Variants in SCIN observed in about 807,000 individuals in gnomAD.
SCIN encodes the protein scinderin.
SCIN carries 91 observed loss-of-function variants against 91.8 expected under a neutral mutation model. The observed-to-expected ratio is 0.99, with a 90% CI of 0.84 to 1.18. SCIN has a LOEUF of 1.18. Ranked by LOEUF, SCIN falls within the 50% of genes most tolerant of loss-of-function variation. The pLI is 0.00. For missense variants in SCIN, 1,087 were observed against 863.9 expected, an observed-to-expected ratio of 1.26 and a Z score of -3.24; for synonymous variants, 367 against 312.6, an observed-to-expected ratio of 1.17 and a Z score of -1.84.
At chr7:12,644,530 C>T (rs943876060) in intron 12 of SCIN, 54 bp from the exon 13 acceptor site, 7 of 1,591,924 alleles carry the variant, frequency 4.4e-6, no homozygotes, top group Non-Finnish European at 8.5e-7. Context: ...TATAAAGCGA[C>T]AGCAAGCATA....
intron 3 of SCIN, among the ~76,000 whole-genome samples, chr7:12,598,723 T>C (rs1782893114): frequency 6.6e-6 from 1 of 151,948 alleles, no homozygotes; most frequent in Admixed American, 6.6e-5. Flanking sequence ...TAAAACCCCA[T>C]GTCTACAAAA....
intron 9 of SCIN, among the ~76,000 whole-genome samples, chr7:12,629,639 G>T (rs1429990590): frequency 6.6e-6 from 1 of 152,138 alleles, no homozygotes; most frequent in African/African-American, 2.4e-5. Flanking sequence ...GATACAATTT[G>T]TGATTCCACT....
intron 4 of SCIN, among the ~76,000 whole-genome samples, chr7:12,615,980 T>G (rs1783290933): frequency 6.6e-6 from 1 of 152,146 alleles, no homozygotes; most frequent in Non-Finnish European, 1.5e-5. Flanking sequence ...CAAGTTCATA[T>G]AAATATGTGT....
rs558623121 is a variant in SCIN at position 12,652,143 on chromosome 7, A to G, written c.2020+242A>G. Among the ~76,000 whole-genome samples, 30 of 152,326 alleles carry G rather than the reference A, an allele frequency of 2.0e-4. No individual in the cohort carries two copies. The South Asian group carries it at 6.0e-3, about 30-fold the overall frequency. Reference sequence around the variant, plus strand: ...TAGAATTATATCAATTTAATCTGAAAACTTAAATTAATTTCAACCCTTGTT... The same window carrying G: ...TAGAATTATATCAATTTAATCTGAAGACTTAAATTAATTTCAACCCTTGTT... On this transcript the variant is annotated intron_variant, in intron 15 of 15. Coordinates refer to ENST00000297029, the MANE Select transcript of SCIN (RefSeq NM_001112706.3).
chr7:12,637,071 A>T (rs1783766432), intron 10 of SCIN, among the ~76,000 whole-genome samples: 1 of 152,132 alleles, frequency 6.6e-6, no homozygotes, highest in South Asian at 2.1e-4. Flanking sequence ...CTAAATTGTT[A>T]TTCCAGATTT....
intron 1 of SCIN, among the ~76,000 whole-genome samples, chr7:12,575,234 G>GTTTTC (rs746262539): frequency 1.6e-3 from 230 of 146,882 alleles, no homozygotes; most frequent in African/African-American, 5.5e-3. Flanking sequence ...TTCTAGGAGA[G>GTTTTC]TTTTCTTTTT....
At chr7:12,586,805 G>A (rs191943085) in intron 3 of SCIN, among the ~76,000 whole-genome samples, 2 of 152,296 alleles carry the variant, frequency 1.3e-5, no homozygotes, top group Admixed American at 6.5e-5. Context: ...AGGATATTAT[G>A]TTAAGCAAAG....
At chr7:12,606,938 C>G (rs950572088) in intron 4 of SCIN, among the ~76,000 whole-genome samples, 5 of 152,178 alleles carry the variant, frequency 3.3e-5, no homozygotes, top group Non-Finnish European at 5.9e-5. Flanking sequence ...GGCCTCTGTT[C>G]TAGAGATGGG....
Position 12,626,681 on chromosome 7 carries a change from A to G in SCIN, c.1079A>G (p.Tyr360Cys), listed in dbSNP as rs1248708851. Reference protein sequence around the residue: ...KDQSDGFGKVYVTEKVAQIKQ... With the variant: ...KDQSDGFGKVCVTEKVAQIKQ... ...CAGAGTGATGGCTTCGGGAAAGTTT[A>G]TGTCACAGAGAAAGTGGCTCAAATA... Residue 360 changes from tyrosine to cysteine, a missense_variant, in exon 8 of 16, where the codon TAT becomes TGT. Transcript: ENST00000297029. 2 of 1,578,204 alleles carry G rather than the reference A, an allele frequency of 1.3e-6. No individual in the cohort carries two copies. Among genetic ancestry groups the G allele is most frequent in the Non-Finnish European group, 1.7e-6 (2 of 1,161,254 alleles).
At chr7:12,587,929 A>T (rs1026992812) in intron 3 of SCIN, among the ~76,000 whole-genome samples, 2 of 152,190 alleles carry the variant, frequency 1.3e-5, no homozygotes, top group African/African-American at 4.8e-5. Context: ...ACTGCTTAAG[A>T]TGCAAAACCA....
intron 3 of SCIN, among the ~76,000 whole-genome samples, chr7:12,601,212 G>A (rs560078694): frequency 1.3e-5 from 2 of 152,204 alleles, no homozygotes; most frequent in East Asian, 1.9e-4. Flanking sequence ...GTTAAGCGGG[G>A]GTCAGAGAGA....
intron 4 of SCIN, among the ~76,000 whole-genome samples, chr7:12,617,431 C>T (rs970469069): frequency 1.3e-5 from 2 of 151,984 alleles, no homozygotes; most frequent in African/African-American, 4.8e-5. Context: ...ATTAGGAACC[C>T]CAAAGGCAAG....
At chr7:12,594,613 C>T (rs987090981) in intron 3 of SCIN, among the ~76,000 whole-genome samples, 2 of 152,078 alleles carry the variant, frequency 1.3e-5, no homozygotes, top group Admixed American at 1.3e-4. Flanking sequence ...GGCCGAGAGC[C>T]TTGCGATTGC....
intron 9 of SCIN, among the ~76,000 whole-genome samples, chr7:12,630,238 G>A (rs975478131): frequency 6.6e-6 from 1 of 151,856 alleles, no homozygotes; most frequent in Non-Finnish European, 1.5e-5. Flanking sequence ...CCAAAAGAGT[G>A]GTCTGGGAAC....
At chr7:12,593,299 C>G (rs1782765712) in intron 3 of SCIN, among the ~76,000 whole-genome samples, 2 of 152,104 alleles carry the variant, frequency 1.3e-5, no homozygotes, top group East Asian at 1.9e-4. Context: ...TGGGCTTTAT[C>G]TAATTTATTT....
chr7:12,629,291 A>G (rs572127403), intron 9 of SCIN, 69 bp downstream of exon 9: 7 of 1,439,656 alleles, frequency 4.9e-6, no homozygotes, highest in Non-Finnish European at 6.6e-6. Context: ...ATTAAATTCT[A>G]TGCATTATGG....
In SCIN at chr7:12,658,817, A is replaced by G. The variant is rs1002059743; in HGVS notation, c.*6102A>G. ...ATCAGTAAAGTTGGGCAACTCATGG[A>G]ATATTACGAGTAGAAATTGTAATTA... is the stretch of plus-strand genomic sequence containing the variant. On this transcript the variant is annotated 3_prime_UTR_variant, in exon 16 of 16. Coordinates refer to ENST00000297029, the MANE Select transcript of SCIN (RefSeq NM_001112706.3). The G allele has an allele frequency of 6.6e-6, 1 of 152,216 alleles. No individual in the cohort carries two copies. Among genetic ancestry groups the G allele is most frequent in the Non-Finnish European group, 1.5e-5 (1 of 68,042 alleles). The allele number at this position is 152,216 out of a possible 1,614,324, so 9.4% of individuals were successfully genotyped here. A position where few individuals can be genotyped will look rare whatever the true frequency, so the allele number is the denominator to read the frequency against.
chr7:12,604,454 A>G (rs2076477260), intron 3 of SCIN, 60 bp from the exon 4 acceptor site: 1 of 1,447,592 alleles, frequency 6.9e-7, no homozygotes, highest in Non-Finnish European at 9.5e-7. Flanking sequence ...CAAGTATTAC[A>G]CTGAGGCTGA....
At chr7:12,613,504 C>T (rs754571128) in intron 4 of SCIN, among the ~76,000 whole-genome samples, 3 of 152,088 alleles carry the variant, frequency 2.0e-5, no homozygotes, top group Admixed American at 6.6e-5. Context: ...TGATAATAAG[C>T]ATTTGTTTAA....
Sources: allele counts gnomAD v4.1 joint callset (sites outside exome capture counted in the v4.1 genomes callset), GRCh38; gene constraint gnomAD v4.1.1; transcripts MANE v1.5; gene names NCBI Gene and HGNC (gene_info 2026-07-23, HGNC 2026-07-21).